The following SOBP variants were observed in gnomAD, a reference collection of about 807,000 sequenced individuals.
SOBP encodes the protein sine oculis-binding protein homolog.
SOBP carries 4 observed loss-of-function variants against 53.6 expected under a neutral mutation model. The observed-to-expected ratio is 0.07, with a 90% CI of 0.04 to 0.17. The LOEUF is 0.17. Among genes scored for constraint, SOBP ranks in the 10% least tolerant of loss-of-function variants. The pLI is 1.00. For missense variants in SOBP, 1,088 were observed against 1,204.7 expected, an observed-to-expected ratio of 0.90 and a Z score of 1.43; for synonymous variants, 584 against 522.6, an observed-to-expected ratio of 1.12 and a Z score of -1.60.
intron 4 of SOBP, among the ~76,000 whole-genome samples, chr6:107,575,291 T>A (rs75286795): frequency 0.071 from 10,770 of 152,256 alleles, 554 homozygotes; most frequent in East Asian, 0.15. Flanking sequence ...CACAGGACAA[T>A]CATTAAATCT....
intron 5 of SOBP, among the ~76,000 whole-genome samples, chr6:107,621,436 A>C (rs754946391): frequency 6.6e-6 from 1 of 152,220 alleles, no homozygotes; most frequent in Non-Finnish European, 1.5e-5. Context: ...AGCAGTCCAC[A>C]AACAGGAAAT....
chr6:107,492,442 A>G (rs2114929699), intron 1 of SOBP, among the ~76,000 whole-genome samples: 1 of 152,274 alleles, frequency 6.6e-6, no homozygotes, highest in African/African-American at 2.4e-5. Flanking sequence ...TAGAATTACA[A>G]ATTAGCTAAT....
chr6:107,635,349 G>A lies in SOBP; in HGVS notation c.2505G>A (p.Ala835=). The A allele has an allele frequency of 6.2e-7, 1 of 1,613,590 alleles. No individual in the cohort carries two copies. Among genetic ancestry groups the A allele is most frequent in the South Asian group, 1.1e-5 (1 of 91,080 alleles). Residue 835 remains alanine, a synonymous_variant, in exon 6 of 7, where the codon GCG becomes GCA. Transcript: ENST00000317357. The surrounding 1 kb of genome is among the most constrained non-coding windows in gnomAD (Gnocchi z 4.5). ...TGATCCAGCCTGTGCCAAAACCCGC[G>A]GAGAAGGCTGCCATGGCACCGTGCA... is the stretch of plus-strand genomic sequence containing the variant. ...GCVIQPVPKP[A]EKAAMAPCII... is the part of the protein sequence containing the mutation.
At chr6:107,564,026 C>G (rs951905786) in intron 4 of SOBP, among the ~76,000 whole-genome samples, 5 of 152,170 alleles carry the variant, frequency 3.3e-5, no homozygotes, top group African/African-American at 1.2e-4. Flanking sequence ...GTCTAAGTTT[C>G]CTTCAAATCC....
intron 5 of SOBP, among the ~76,000 whole-genome samples, chr6:107,614,171 G>A (rs1786697933): frequency 6.6e-6 from 1 of 152,200 alleles, no homozygotes; most frequent in African/African-American, 2.4e-5. Context: ...GGAGGCTGAG[G>A]CGGGAGGATC....
chr6:107,601,950 A>G (rs1210442166), intron 5 of SOBP, among the ~76,000 whole-genome samples: 1 of 152,258 alleles, frequency 6.6e-6, no homozygotes, highest in African/African-American at 2.4e-5. Context: ...TTAATCAATT[A>G]TAGTCCAGTG....
At chr6:107,584,253 TA>T (rs35618286) in intron 4 of SOBP, among the ~76,000 whole-genome samples, 6,831 of 117,440 alleles carry the variant, frequency 0.058, 207 homozygotes, top group East Asian at 0.21. Flanking sequence ...ACCAATATGT[TA>T]AAAAAAAAAA....
At chr6:107,641,271 T>C (rs981583786) in intron 6 of SOBP, among the ~76,000 whole-genome samples, 3 of 152,232 alleles carry the variant, frequency 2.0e-5, no homozygotes, top group Admixed American at 6.5e-5. Flanking sequence ...CTTGCCTCAA[T>C]AAGATTGCCT....
intron 3 of SOBP, among the ~76,000 whole-genome samples, chr6:107,506,746 A>G (rs1002670323): frequency 2.6e-5 from 4 of 152,188 alleles, no homozygotes; most frequent in African/African-American, 9.7e-5. Flanking sequence ...TTTAAAAATA[A>G]AATATAGACA....
At chr6:107,566,208 T>A (rs949364336) in intron 4 of SOBP, among the ~76,000 whole-genome samples, 1 of 152,264 alleles carries the variant, frequency 6.6e-6, no homozygotes, top group Non-Finnish European at 1.5e-5. Flanking sequence ...AACTTAGTTC[T>A]GTTTAAACCA....
chr6:107,614,035 G>C (rs1786693293), intron 5 of SOBP, among the ~76,000 whole-genome samples: 1 of 152,204 alleles, frequency 6.6e-6, no homozygotes, highest in African/African-American at 2.4e-5. Flanking sequence ...TGTGTCACAT[G>C]TTAAGAATGA....
chr6:107,563,171 T>C (rs929739623), intron 4 of SOBP, among the ~76,000 whole-genome samples: 4 of 152,084 alleles, frequency 2.6e-5, no homozygotes, highest in African/African-American at 9.7e-5. Context: ...GTGGGAAGAT[T>C]GCTTGAGCCC....
intron 4 of SOBP, among the ~76,000 whole-genome samples, chr6:107,568,007 T>A (rs1784966401): frequency 6.6e-6 from 1 of 152,186 alleles, no homozygotes; most frequent in Non-Finnish European, 1.5e-5. Flanking sequence ...AAAAGGTACG[T>A]TTTAAGAACC....
chr6:107,510,646 C>T (rs1783143517), intron 3 of SOBP: 1 of 152,178 alleles, frequency 6.6e-6, no homozygotes, highest in Admixed American at 6.5e-5. Flanking sequence ...CAAAAACTTC[C>T]ATCTAGTGAA....
intron 4 of SOBP, among the ~76,000 whole-genome samples, chr6:107,568,312 A>G (rs954044879): frequency 7.9e-5 from 12 of 152,236 alleles, no homozygotes; most frequent in Non-Finnish European, 1.8e-4. Flanking sequence ...AGTCCTTACA[A>G]AACACAATTT....
chr6:107,504,314 G>C (rs1326592120), intron 2 of SOBP, among the ~76,000 whole-genome samples: 1 of 152,088 alleles, frequency 6.6e-6, no homozygotes, highest in East Asian at 1.9e-4. Context: ...ACTTGAATAG[G>C]GTAAAAAGAG....
At chr6:107,581,399 G>A (rs1169400441) in intron 4 of SOBP, among the ~76,000 whole-genome samples, 1 of 152,178 alleles carries the variant, frequency 6.6e-6, no homozygotes, top group Non-Finnish European at 1.5e-5. Flanking sequence ...TCAGACCCGA[G>A]GAGTTGGGCC....
At chr6:107,553,852 T>C (rs1784535716) in intron 4 of SOBP, among the ~76,000 whole-genome samples, 1 of 152,160 alleles carries the variant, frequency 6.6e-6, no homozygotes, top group Admixed American at 6.5e-5. Flanking sequence ...GAACTCCTGG[T>C]CTCAGGTCAT....
chr6:107,503,927 C>A, intron 2 of SOBP, 132 bp downstream of exon 2: 3 of 1,075,290 alleles, frequency 2.8e-6, no homozygotes, highest in Non-Finnish European at 4.2e-6. Flanking sequence ...AACATACATC[C>A]CCAATAGTGC....
Sources: gnomAD v4.1 joint callset for allele counts (sites outside exome capture counted in the v4.1 genomes callset) on GRCh38, gnomAD v4.1.1 for gene constraint, Gnocchi (gnomAD v3.1) non-coding constraint, MANE v1.5 for transcripts, NCBI Gene and HGNC (gene_info 2026-07-23, HGNC 2026-07-21) for gene names.